The following PRKACB variants were observed in gnomAD, a reference collection of about 807,000 sequenced individuals.
PRKACB encodes cAMP-dependent protein kinase catalytic subunit beta.
A neutral mutation model predicts 51.4 loss-of-function variants in PRKACB; 16 were observed. That is an observed-to-expected ratio of 0.31 (90% CI 0.21 to 0.47). The LOEUF (loss-of-function observed/expected upper bound fraction) is 0.47, where lower values mean the gene tolerates loss of function less well. Among genes scored for constraint, PRKACB ranks in the 20% least tolerant of loss-of-function variants. The pLI is 1.00. For missense variants in PRKACB, 309 were observed against 464.5 expected (o/e 0.67, Z 3.08); for synonymous variants, 147 against 154.4 (o/e 0.95, Z 0.35).
At chr1:84,093,760 C>T (rs1468341501) in intron 1 of PRKACB, among the ~76,000 whole-genome samples, 1 of 151,716 alleles carries the variant, frequency 6.6e-6, no homozygotes. Context: ...TTTTAGTAAT[C>T]TTTGTAATAT....
At chr1:84,222,760 AG>A (rs1480854404) in intron 9 of PRKACB, among the ~76,000 whole-genome samples, 1 of 152,092 alleles carries the variant, frequency 6.6e-6, no homozygotes, top group Admixed American at 6.5e-5. Context: ...TTTTGAAGAA[AG>A]GTTTCTTGGT....
At chr1:84,151,001 T>C (rs2100641210) in intron 1 of PRKACB, among the ~76,000 whole-genome samples, 1 of 152,242 alleles carries the variant, frequency 6.6e-6, no homozygotes, top group Admixed American at 6.5e-5. Flanking sequence ...ACATGATGGT[T>C]CAATATAAGT....
At chr1:84,148,982 G>C (rs1400554644) in intron 1 of PRKACB, among the ~76,000 whole-genome samples, 1 of 152,078 alleles carries the variant, frequency 6.6e-6, no homozygotes, top group East Asian at 1.9e-4. Flanking sequence ...TTGTTAGGAG[G>C]AAGAATCCCA....
intron 4 of PRKACB, among the ~76,000 whole-genome samples, chr1:84,184,647 T>G (rs1161074000): frequency 2.0e-5 from 3 of 151,888 alleles, no homozygotes; most frequent in Non-Finnish European, 4.4e-5. Context: ...TCTGCAATAT[T>G]GAATCATATG....
chr1:84,093,294 T>C (rs1288318807), intron 1 of PRKACB, among the ~76,000 whole-genome samples: 1 of 151,990 alleles, frequency 6.6e-6, no homozygotes, highest in Non-Finnish European at 1.5e-5. Context: ...TCTCTCTCTG[T>C]GTATGCGCTT....
At chr1:84,138,177 T>C (rs1341881545) in intron 1 of PRKACB, among the ~76,000 whole-genome samples, 1 of 152,096 alleles carries the variant, frequency 6.6e-6, no homozygotes, top group Admixed American at 6.6e-5. Flanking sequence ...GCATGGGGCA[T>C]CTTGCAGTGC....
chr1:84,200,393 A>T (rs1442232380), intron 7 of PRKACB, among the ~76,000 whole-genome samples: 1 of 152,118 alleles, frequency 6.6e-6, no homozygotes, highest in African/African-American at 2.4e-5. Flanking sequence ...GACCTTTGGC[A>T]GATGCATATG....
intron 1 of PRKACB, chr1:84,164,451 T>G (rs901546037): frequency 6.4e-7 from 1 of 1,558,070 alleles, no homozygotes; most frequent in Admixed American, 1.9e-5. Flanking sequence ...CAGCAATTTT[T>G]TCATATCTTT....
chr1:84,125,265 G>A (rs1380057718), intron 1 of PRKACB, among the ~76,000 whole-genome samples: 1 of 152,126 alleles, frequency 6.6e-6, no homozygotes, highest in African/African-American at 2.4e-5. Context: ...CCTCTCTCTG[G>A]TGCTTCTACA....
chr1:84,103,537 A>T (rs1334881326), intron 1 of PRKACB, among the ~76,000 whole-genome samples: 1 of 152,144 alleles, frequency 6.6e-6, no homozygotes, highest in African/African-American at 2.4e-5. Context: ...CAGATGAGAG[A>T]GTGACTCAGC....
chr1:84,089,990 A>G (rs1324131407), intron 1 of PRKACB, among the ~76,000 whole-genome samples: 1 of 152,194 alleles, frequency 6.6e-6, no homozygotes, highest in African/African-American at 2.4e-5. Flanking sequence ...GTAACTCATG[A>G]TAAACTCAGC....
chr1:84,141,308 A>G (rs80217451), upstream of PRKACB, among the ~76,000 whole-genome samples: 486 of 152,258 alleles, frequency 3.2e-3, 2 homozygotes, highest in African/African-American at 0.011. Flanking sequence ...TCTTAAAGTT[A>G]ATTGCAGTTA....
intron 8 of PRKACB, chr1:84,204,755 T>C: frequency 1.3e-6 from 1 of 786,150 alleles, no homozygotes; most frequent in Non-Finnish European, 1.6e-6. Flanking sequence ...CTTTTATTTA[T>C]ATTCATATAA....
chr1:84,113,194 A>G (rs913001374), intron 1 of PRKACB, among the ~76,000 whole-genome samples: 1 of 152,212 alleles, frequency 6.6e-6, no homozygotes, highest in Admixed American at 6.5e-5. Flanking sequence ...CAAGTCACGT[A>G]GTATCACATA....
intron 1 of PRKACB, among the ~76,000 whole-genome samples, chr1:84,118,821 G>C (rs1650832719): frequency 6.6e-6 from 1 of 152,058 alleles, no homozygotes; most frequent in Non-Finnish European, 1.5e-5. Flanking sequence ...AGTCATTTCT[G>C]TTGTTACCTA....
chr1:84,117,407 T>C (rs1008432079), intron 1 of PRKACB, among the ~76,000 whole-genome samples: 2 of 152,182 alleles, frequency 1.3e-5, no homozygotes, highest in African/African-American at 4.8e-5. Context: ...TTTGGTAGAA[T>C]TCGGCTGTAA....
chr1:84,185,661 A>ATATACACATAATTTACACAT, intron 5 of PRKACB, among the ~76,000 whole-genome samples: 1 of 152,128 alleles, frequency 6.6e-6, no homozygotes, highest in East Asian at 1.9e-4. Flanking sequence ...TTAGTTTTTA[A>ATATACACATAATTTACACAT]AATATACACA....
chr1:84,090,265 A>C (rs193011451), intron 1 of PRKACB, among the ~76,000 whole-genome samples: 1 of 152,224 alleles, frequency 6.6e-6, no homozygotes, highest in Non-Finnish European at 1.5e-5. Context: ...AATAAAAGCT[A>C]TCAGACAGGA....
At chr1:84,141,577 T>A (rs772090820), upstream of PRKACB, among the ~76,000 whole-genome samples, 4 of 152,152 alleles carry the variant, frequency 2.6e-5, no homozygotes, top group Admixed American at 6.5e-5. Flanking sequence ...TACGGTGTTT[T>A]CAAGATACTC....
Sources: gnomAD v4.1 joint callset for allele counts (sites outside exome capture counted in the v4.1 genomes callset) on GRCh38, gnomAD v4.1.1 for gene constraint, MANE v1.5 for transcripts, NCBI Gene and HGNC (gene_info 2026-07-23, HGNC 2026-07-21) for gene names.